The following ERICH1 variants were observed in gnomAD, a reference collection of about 807,000 sequenced individuals.
ERICH1 encodes glutamate rich 1.
Under a neutral mutation model 39.6 loss-of-function variants are expected in ERICH1, and 56 were observed. That is an observed-to-expected ratio of 1.41 (90% CI 1.14 to 1.77). ERICH1 has a LOEUF of 1.77. ERICH1 is among the 40% of genes most tolerant of loss of function. ERICH1 has a pLI of 0.00. For missense variants in ERICH1, 826 were observed against 575.4 expected, an observed-to-expected ratio of 1.44 and a Z score of -4.45; for synonymous variants, 313 against 223.6, an observed-to-expected ratio of 1.40 and a Z score of -3.57.
intron 2 of ERICH1, among the ~76,000 whole-genome samples, chr8:699,173 A>G (rs1811076370): frequency 6.6e-6 from 1 of 152,126 alleles, no homozygotes; most frequent in Non-Finnish European, 1.5e-5. Context: ...ATTTGGCTCC[A>G]TTCTACAATA....
At chr8:628,916 G>A (rs1006852743) in intron 3 of ERICH1, among the ~76,000 whole-genome samples, 4 of 152,084 alleles carry the variant, frequency 2.6e-5, no homozygotes, top group African/African-American at 9.7e-5. Context: ...GGGGTCCCAG[G>A]ACCACCCCAG....
chr8:634,537 G>A (rs907046947), intron 3 of ERICH1, among the ~76,000 whole-genome samples: 1 of 152,212 alleles, frequency 6.6e-6, no homozygotes, highest in East Asian at 1.9e-4. Context: ...CGGCCCCGTC[G>A]GGCGGGCACC....
chr8:678,385 C>T (rs1209635673), intron 3 of ERICH1, among the ~76,000 whole-genome samples: 1 of 151,014 alleles, frequency 6.6e-6, no homozygotes, highest in African/African-American at 2.5e-5. Context: ...TCAGTTAATC[C>T]GTTAGAAACA....
chr8:708,666 G>A (rs889254806), intron 2 of ERICH1, among the ~76,000 whole-genome samples: 4 of 124,330 alleles, frequency 3.2e-5, no homozygotes, highest in Non-Finnish European at 7.0e-5. Flanking sequence ...GGGCTGAGTG[G>A]TTACGGGATA....
intron 2 of ERICH1, among the ~76,000 whole-genome samples, chr8:707,950 A>C (rs1004725744): frequency 1.2e-4 from 18 of 152,216 alleles, no homozygotes; most frequent in African/African-American, 4.3e-4. Flanking sequence ...ACTCAGCAAC[A>C]GAAAGACAAT....
chr8:627,963 G>A (rs926204119), intron 3 of ERICH1, among the ~76,000 whole-genome samples: 2 of 152,160 alleles, frequency 1.3e-5, no homozygotes, highest in Non-Finnish European at 2.9e-5. Flanking sequence ...GGAACGTGCT[G>A]AGACCACAGT....
intron 3 of ERICH1, among the ~76,000 whole-genome samples, chr8:618,270 G>C (rs1194897901): frequency 6.6e-6 from 1 of 151,660 alleles, no homozygotes; most frequent in South Asian, 2.1e-4. Context: ...TACCCTCTGA[G>C]TGCTTGGTGT....
At chr8:638,803 T>C (rs1000532990) in intron 3 of ERICH1, among the ~76,000 whole-genome samples, 5 of 152,134 alleles carry the variant, frequency 3.3e-5, no homozygotes, top group African/African-American at 1.2e-4. Context: ...AAGACTCATT[T>C]TGACCCCGGC....
At chr8:662,780 C>T (rs1040380468), downstream of ERICH1, among the ~76,000 whole-genome samples, 1 of 152,230 alleles carries the variant, frequency 6.6e-6, no homozygotes, top group African/African-American at 2.4e-5. Context: ...GGCTTGGACA[C>T]CACTGCAGCA....
chr8:703,142 G>A lies in ERICH1; in HGVS notation c.170-10530C>T, dbSNP rs145945000. On this transcript the variant is annotated intron_variant, in intron 2 of 5. Coordinates refer to ENST00000262109, the MANE Select transcript of ERICH1 (RefSeq NM_207332.3). Reference sequence around the variant, plus strand: ...TGTCCCCCTGTAACCAGGAGCATTCGGGGAGGGAACTGTGGGAAATGCAGT... The same window carrying A: ...TGTCCCCCTGTAACCAGGAGCATTCAGGGAGGGAACTGTGGGAAATGCAGT... Among the ~76,000 whole-genome samples the A allele has an allele frequency of 1.9e-3, 293 of 152,286 alleles. 1 individual carries two copies. The highest frequency in any genetic ancestry group is 6.7e-3 in the African/African-American group (279 of 41,544).
chr8:674,296 CTTTTT>C (rs11372589), intron 3 of ERICH1, among the ~76,000 whole-genome samples: 8 of 109,802 alleles, frequency 7.3e-5, no homozygotes, highest in African/African-American at 2.1e-4. Flanking sequence ...CAAGTTGTTG[CTTTTT>C]TTTTTTTTTT....
chr8:731,130 A>C lies in ERICH1; in HGVS notation c.22+10T>G, dbSNP rs1343798324. 2.6e-6 allele frequency: 4 copies of C among 1,518,238 alleles called. No individual in the cohort carries two copies. The highest frequency in any genetic ancestry group is 3.5e-6 in the Non-Finnish European group (4 of 1,135,518). The allele number at this position is 1,518,238 out of a possible 1,614,324, so 94.0% of individuals were successfully genotyped here. Reference sequence around the variant, plus strand: ...GGGTCTGGGCAGGCCTCCGCACCGCACCCACCTACCGTGCTTCCTGTGCGC... The same window carrying C: ...GGGTCTGGGCAGGCCTCCGCACCGCCCCCACCTACCGTGCTTCCTGTGCGC... On this transcript the variant is annotated intron_variant, in intron 1 of 5. Coordinates refer to ENST00000262109, the MANE Select transcript of ERICH1 (RefSeq NM_207332.3).
At chr8:661,956 T>C (rs1801486052), downstream of ERICH1, among the ~76,000 whole-genome samples, 2 of 150,054 alleles carry the variant, frequency 1.3e-5, no homozygotes, top group Admixed American at 6.6e-5. Flanking sequence ...CTGTGGAACC[T>C]ACAGGGATTC....
intron 3 of ERICH1, among the ~76,000 whole-genome samples, chr8:624,318 G>A (rs956576101): frequency 2.0e-5 from 3 of 152,166 alleles, no homozygotes; most frequent in African/African-American, 4.8e-5. Context: ...TCCTGATAAG[G>A]ATGTGAGATG....
intron 2 of ERICH1, among the ~76,000 whole-genome samples, chr8:693,175 C>T (rs945590669): frequency 6.6e-6 from 1 of 151,728 alleles, no homozygotes; most frequent in Non-Finnish European, 1.5e-5. Flanking sequence ...CAGCCACAGA[C>T]CACACACACA....
intron 3 of ERICH1, chr8:627,032 C>T: frequency 2.3e-6 from 1 of 444,388 alleles, no homozygotes; most frequent in Non-Finnish European, 4.6e-6. Flanking sequence ...CCGACACTCC[C>T]TTCTGTCTCC....
chr8:635,310 C>A (rs905372373), intron 3 of ERICH1, among the ~76,000 whole-genome samples: 1 of 152,174 alleles, frequency 6.6e-6, no homozygotes, highest in Non-Finnish European at 1.5e-5. Context: ...TGTGATGGAG[C>A]CCCCCACACG....
chr8:683,347 T>G (rs955423810), intron 3 of ERICH1, among the ~76,000 whole-genome samples: 2 of 152,170 alleles, frequency 1.3e-5, no homozygotes, highest in African/African-American at 4.8e-5. Context: ...ACATGGCTCC[T>G]GGGACAGAGA....
intron 3 of ERICH1, among the ~76,000 whole-genome samples, chr8:688,555 G>A (rs1194236770): frequency 6.6e-6 from 1 of 152,042 alleles, no homozygotes; most frequent in Non-Finnish European, 1.5e-5. Flanking sequence ...CCCAACACAA[G>A]CGTTTAAAAA....
Sources: allele counts gnomAD v4.1 joint callset (sites outside exome capture counted in the v4.1 genomes callset), GRCh38; gene constraint gnomAD v4.1.1; transcripts MANE v1.5; gene names NCBI Gene and HGNC (gene_info 2026-07-23, HGNC 2026-07-21).